KIF14: variants seen among roughly 807,000 people sequenced by gnomAD.
KIF14 encodes kinesin-like protein KIF14.
In KIF14, 98 loss-of-function variants were observed where a neutral mutation model predicts 176.2. That is an observed-to-expected ratio of 0.56 (90% confidence interval 0.47 to 0.66). The LOEUF is 0.66. Among genes scored for constraint, KIF14 ranks in the 30% least tolerant of loss-of-function variants. The pLI, the probability that KIF14 is intolerant of heterozygous loss-of-function variation, is 0.00. For synonymous variants in KIF14, 566 were observed against 632.2 expected (o/e 0.90, Z 1.57); for missense variants, 1,751 against 1,920.4 (o/e 0.91, Z 1.65).
chr1:200,554,054 G>C (rs554939421), intron 29 of KIF14, among the ~76,000 whole-genome samples: 1 of 152,216 alleles, frequency 6.6e-6, no homozygotes, highest in African/African-American at 2.4e-5. Context: ...CATTGGGTAG[G>C]CTTCAGTTAA....
intron 8 of KIF14, among the ~76,000 whole-genome samples, chr1:200,604,472 A>C (rs1342456928): frequency 6.6e-6 from 1 of 152,190 alleles, no homozygotes; most frequent in Non-Finnish European, 1.5e-5. Context: ...GCCAAAATTA[A>C]ATAAATTACT....
At chr1:200,570,917 C>G (rs1657749535) in intron 22 of KIF14, among the ~76,000 whole-genome samples, 1 of 152,062 alleles carries the variant, frequency 6.6e-6, no homozygotes, top group African/African-American at 2.4e-5. Flanking sequence ...TCCCACCCAC[C>G]ATCCTCAAAT....
At chr1:200,589,945 G>A (rs1367739333) in intron 17 of KIF14, among the ~76,000 whole-genome samples, 180 bp downstream of exon 17, 1 of 152,020 alleles carries the variant, frequency 6.6e-6, no homozygotes, top group East Asian at 1.9e-4. Context: ...GAGCCACCAT[G>A]CTCAGCCCTG....
At chr1:200,560,619 T>G (rs1271789227) in intron 26 of KIF14, 103 bp downstream of exon 26, 1 of 1,245,132 alleles carries the variant, frequency 8.0e-7, no homozygotes, top group African/African-American at 1.5e-5. Context: ...TACAAGCTAT[T>G]TTGAAAACTT....
rs775381873 is a variant in KIF14 at position 200,603,279 on chromosome 1, T to C, written c.1926A>G (p.Glu642=). ...TLGKVISALS[E]QANQRSVFIP... ...TAAAAACACTCCTTTGGTTTGCTTG[T>C]TCCGAAAGTGCAGATATAACTTTTC... Residue 642 remains glutamate, a synonymous_variant, in exon 10 of 30, where the codon GAA becomes GAG. Coordinates refer to ENST00000367350, the MANE Select transcript of KIF14 (RefSeq NM_014875.3). 6.2e-7 allele frequency: 1 copy of C among 1,610,318 alleles called. No homozygotes were observed. The highest frequency in any genetic ancestry group is 1.1e-5 in the South Asian group (1 of 90,702).
intron 5 of KIF14, 130 bp from the exon 6 acceptor site, chr1:200,606,928 AC>A: frequency 6.4e-6 from 5 of 782,396 alleles, no homozygotes; most frequent in Admixed American, 2.4e-5. Flanking sequence ...AAAAAAAAAA[AC>A]CACAAAAACT....
chr1:200,594,477 G>A lies in KIF14; in HGVS notation c.2550-708C>T, dbSNP rs542725834. 5.3e-5 allele frequency among the ~76,000 whole-genome samples: 8 copies of A among 150,596 alleles called. 1 individual carries two copies. In the South Asian group the frequency reaches 1.7e-3, roughly 32 times the overall value. ...GTTTTTTTAATTTTCTAAGCTTCTG[G>A]TTTTACATATGAGCTTTAATAACAG... On this transcript the variant is annotated intron_variant, in intron 14 of 29. Transcript: ENST00000367350.
chr1:200,599,258 T>C (rs1001705044), intron 13 of KIF14, among the ~76,000 whole-genome samples: 9 of 152,224 alleles, frequency 5.9e-5, no homozygotes, highest in Non-Finnish European at 1.5e-5. Flanking sequence ...AAGTCCTTCA[T>C]AAACTAATCA....
chr1:200,603,173 C>T, intron 10 of KIF14, 53 bp downstream of exon 10: 1 of 1,058,834 alleles, frequency 9.4e-7, no homozygotes. Flanking sequence ...ATTCTTTTCC[C>T]CATAGTATTC....
In KIF14 at chr1:200,617,569, A is replaced by G. The variant is rs370629266; in HGVS notation, c.1112+43T>C. The G allele has an allele frequency of 2.2e-5, 34 of 1,544,262 alleles. No individual in the cohort carries two copies. The African/African-American group carries it at 4.3e-4, about 19-fold the overall frequency. On this transcript the variant is annotated intron_variant, in intron 2 of 29. Transcript: ENST00000367350. ...GGCAGAGAGGAATTAAAGGTACCTT[A>G]CATGTAACTGCTTGGCTTTAGATTT...
At chr1:200,581,113 C>CAAAAAAAAAA (rs774086459) in intron 20 of KIF14, 88 bp downstream of exon 20, 1 of 281,672 alleles carries the variant, frequency 3.6e-6, no homozygotes, top group South Asian at 2.8e-5. Context: ...GACTCTGTCT[C>CAAAAAAAAAA]AGAAAAAAAA....
At chr1:200,586,360 A>C in intron 18 of KIF14, 133 bp from the exon 19 acceptor site, 1 of 608,250 alleles carries the variant, frequency 1.6e-6, no homozygotes, top group Non-Finnish European at 2.7e-6. Flanking sequence ...ATACCCCATA[A>C]CATTGTATAA....
chr1:200,615,925 T>G (rs1397994394), intron 2 of KIF14, among the ~76,000 whole-genome samples: 1 of 152,130 alleles, frequency 6.6e-6, no homozygotes, highest in Non-Finnish European at 1.5e-5. Context: ...ATAATCTACC[T>G]ATACTCTTCA....
intron 19 of KIF14, among the ~76,000 whole-genome samples, chr1:200,584,081 A>C (rs548158839): frequency 2.3e-4 from 35 of 151,990 alleles, no homozygotes; most frequent in Admixed American, 3.9e-4. Flanking sequence ...ATCGCTACTA[A>C]AAATACAAAA....
At chr1:200,596,928 CT>C (rs1482584962) in intron 14 of KIF14, among the ~76,000 whole-genome samples, 1 of 135,694 alleles carries the variant, frequency 7.4e-6, no homozygotes, top group Admixed American at 8.2e-5. Flanking sequence ...CATAGTCTCG[CT>C]CTGTCACTCA....
chr1:200,593,926 A>ATTTT (rs1659181935), intron 14 of KIF14, among the ~76,000 whole-genome samples, 157 bp from the exon 15 acceptor site: 12 of 62,006 alleles, frequency 1.9e-4, no homozygotes, highest in East Asian at 8.5e-4. Context: ...TCCTCCAACT[A>ATTTT]GTTTTTTTTT....
At chr1:200,554,327 G>C (rs1656714623) in intron 29 of KIF14, 141 bp downstream of exon 29, 1 of 543,590 alleles carries the variant, frequency 1.8e-6, no homozygotes, top group Non-Finnish European at 3.2e-6. Context: ...GGAGTCGGAG[G>C]TTGCAGTGAG....
intron 4 of KIF14, among the ~76,000 whole-genome samples, 193 bp from the exon 5 acceptor site, chr1:200,609,121 T>C (rs1660029540): frequency 6.6e-6 from 1 of 152,070 alleles, no homozygotes; most frequent in Admixed American, 6.5e-5. Context: ...AACGTACAAA[T>C]GGCAAACAAG....
rs1254940251 is a variant in KIF14, at chr1:200,552,536, A to G, written c.*852T>C. The G allele has an allele frequency of 1.3e-5, 2 of 152,130 alleles. No homozygotes were observed. The highest frequency in any genetic ancestry group is 2.9e-5 in the Non-Finnish European group (2 of 68,008). 9.4% of individuals were successfully genotyped at this position (152,130 alleles called of 1,614,324 possible). ...AAATAATATTCATACAGCCCCCATTATGAAACACAGATAACAGGGTAAACT... is the reference window on the plus strand; with the variant it reads ...AAATAATATTCATACAGCCCCCATTGTGAAACACAGATAACAGGGTAAACT... On this transcript the variant is annotated 3_prime_UTR_variant, in exon 30 of 30. Transcript: ENST00000367350.
Sources: allele counts gnomAD v4.1 joint callset (sites outside exome capture counted in the v4.1 genomes callset), GRCh38; gene constraint gnomAD v4.1.1; transcripts MANE v1.5; gene names NCBI Gene and HGNC (gene_info 2026-07-23, HGNC 2026-07-21).